RFX3: variants seen among roughly 807,000 people sequenced by gnomAD.
RFX3 encodes the protein transcription factor RFX3.
RFX3 carries 14 observed loss-of-function variants against 98.6 expected under a neutral mutation model. The observed-to-expected ratio is 0.14, with a 90% CI of 0.09 to 0.22. The LOEUF is 0.22. Ranked by LOEUF, RFX3 falls within the 10% of genes least tolerant of loss-of-function variation. The probability of loss-of-function intolerance (pLI) is 1.00; values close to 1 mark genes in which losing one functional copy is unlikely to be tolerated. For synonymous variants in RFX3, 383 were observed against 328.4 expected (o/e 1.17, Z -1.80); for missense variants, 639 against 926.9 (o/e 0.69, Z 4.03).
At chr9:3,504,389 C>T (rs375379973) in intron 1 of RFX3, among the ~76,000 whole-genome samples, 5,436 of 107,576 alleles carry the variant, frequency 0.051, 837 homozygotes, top group East Asian at 0.34. Flanking sequence ...TACCACATAG[C>T]ATATATTGTA....
intron 1 of RFX3, chr9:3,489,379 G>A (rs931761866): frequency 6.2e-6 from 6 of 972,980 alleles, no homozygotes; most frequent in Non-Finnish European, 1.2e-6. Context: ...CTTTCTGAAT[G>A]GCAGTGGAAG....
chr9:3,324,054 G>A (rs1386040289), intron 4 of RFX3: 1 of 452,738 alleles, frequency 2.2e-6, no homozygotes, highest in Non-Finnish European at 4.6e-6. Context: ...GACGGTTCAT[G>A]GTAATCTGTC....
intron 2 of RFX3, among the ~76,000 whole-genome samples, chr9:3,391,163 T>A (rs1301010579): frequency 6.6e-6 from 1 of 152,132 alleles, no homozygotes; most frequent in Non-Finnish European, 1.5e-5. Context: ...TACTATAGTT[T>A]GCAAACCCAA....
At chr9:3,448,031 C>T (rs1355920863) in intron 1 of RFX3, among the ~76,000 whole-genome samples, 17 of 152,122 alleles carry the variant, frequency 1.1e-4, no homozygotes, top group Admixed American at 1.1e-3. Context: ...AATGGCCAGC[C>T]TAGAGATTTG....
At position 3,267,386 on chromosome 9, in the gene RFX3, C is replaced by G. The variant is rs548217825; in HGVS notation, c.1358-1081G>C. On this transcript the variant is annotated intron_variant, in intron 11 of 16. Transcript: ENST00000617270. ...TTAATATTACGGATGGGCTTAAATT[C>G]CTTGGTTTTTCTTTCTGTGCTCAAA... 4.6e-5 allele frequency among the ~76,000 whole-genome samples: 7 copies of G among 152,002 alleles called. No homozygotes were observed. In the East Asian group the frequency reaches 7.7e-4, roughly 17 times the overall value.
intron 3 of RFX3, among the ~76,000 whole-genome samples, chr9:3,336,693 AG>A (rs913176252): frequency 6.6e-6 from 1 of 152,182 alleles, no homozygotes; most frequent in Non-Finnish European, 1.5e-5. Context: ...AATGAGGTTA[AG>A]GAAGGTAAAA....
At position 3,338,499 on chromosome 9, in the gene RFX3, A is replaced by T. The variant is rs187492942; in HGVS notation, c.216-7982T>A. Among the ~76,000 whole-genome samples the T allele has an allele frequency of 6.0e-3, 914 of 152,308 alleles. 3 individuals carry two copies. The highest frequency in any genetic ancestry group is 9.7e-3 in the Non-Finnish European group (657 of 68,014). On this transcript the variant is annotated intron_variant, in intron 3 of 16. Coordinates refer to ENST00000617270, the MANE Select transcript of RFX3 (RefSeq NM_001282116.2). ...ATGATTATTTTGTAAGGATCGGCAC[A>T]TCTTTACTTAGCATTTAAATTCTTT...
At chr9:3,383,598 G>GAGCCTT (rs1225598902) in intron 2 of RFX3, among the ~76,000 whole-genome samples, 2 of 151,832 alleles carry the variant, frequency 1.3e-5, no homozygotes, top group Non-Finnish European at 2.9e-5. Context: ...TTAGACTTAA[G>GAGCCTT]ACTTAGCACT....
intron 1 of RFX3, chr9:3,421,031 A>AC (rs1820300846): frequency 1.7e-6 from 1 of 571,922 alleles, no homozygotes; most frequent in African/African-American, 2.1e-5. Flanking sequence ...AAAAAAAAAA[A>AC]AAAAACAAGA....
intron 9 of RFX3, among the ~76,000 whole-genome samples, chr9:3,272,999 CAAAT>C (rs945388714): frequency 2.0e-5 from 3 of 152,118 alleles, no homozygotes; most frequent in Admixed American, 6.6e-5. Flanking sequence ...TAAATAATCT[CAAAT>C]AACTCTTTCA....
chr9:3,439,530 T>C lies in RFX3; in HGVS notation c.-8-43934A>G, dbSNP rs551787930. Among the ~76,000 whole-genome samples, 4 of 152,114 alleles carry C rather than the reference T, an allele frequency of 2.6e-5. No homozygotes were observed. In the East Asian group the frequency reaches 7.7e-4, roughly 29 times the overall value. Reference sequence around the variant, plus strand: ...GAATATTTTAACAACTTTATGCCAATAAGTTTGAGAATTTAATAGCAGAAG... The same window carrying C: ...GAATATTTTAACAACTTTATGCCAACAAGTTTGAGAATTTAATAGCAGAAG... On this transcript the variant is annotated intron_variant, in intron 1 of 16. Transcript: ENST00000617270.
At chr9:3,446,916 A>C (rs1846105563) in intron 1 of RFX3, among the ~76,000 whole-genome samples, 1 of 152,154 alleles carries the variant, frequency 6.6e-6, no homozygotes, top group African/African-American at 2.4e-5. Context: ...ACTTAAAAAA[A>C]ATCAAGAAGC....
intron 1 of RFX3, among the ~76,000 whole-genome samples, chr9:3,486,214 G>A (rs918962554): frequency 1.3e-5 from 2 of 150,280 alleles, no homozygotes; most frequent in Non-Finnish European, 2.9e-5. Flanking sequence ...AGATTTTTGT[G>A]GGGTATGACC....
chr9:3,360,606 AC>A (rs1244097987), intron 2 of RFX3, among the ~76,000 whole-genome samples: 2 of 152,142 alleles, frequency 1.3e-5, no homozygotes, highest in African/African-American at 4.8e-5. Flanking sequence ...ACACTCTCTT[AC>A]TGATGCATAT....
intron 1 of RFX3, chr9:3,420,671 G>C (rs1399062215): frequency 2.4e-6 from 1 of 416,534 alleles, no homozygotes; most frequent in Non-Finnish European, 3.2e-6. Flanking sequence ...TAAAAGAAGA[G>C]GAGTAAATTT....
At chr9:3,320,086 A>G (rs1483528825) in intron 4 of RFX3, among the ~76,000 whole-genome samples, 1 of 152,228 alleles carries the variant, frequency 6.6e-6, no homozygotes, top group Non-Finnish European at 1.5e-5. Flanking sequence ...CTGGGCACAT[A>G]AAGGATTTGC....
At chr9:3,316,225 G>A (rs1830571208) in intron 4 of RFX3, among the ~76,000 whole-genome samples, 1 of 152,052 alleles carries the variant, frequency 6.6e-6, no homozygotes, top group Admixed American at 6.6e-5. Flanking sequence ...TTCAACATAT[G>A]CAAATCAATA....
intron 5 of RFX3, among the ~76,000 whole-genome samples, chr9:3,296,262 G>C (rs916283216): frequency 6.6e-6 from 1 of 151,642 alleles, no homozygotes; most frequent in African/African-American, 2.4e-5. Context: ...TCTTCATAAA[G>C]AAAACTTTTC....
At position 3,468,789 on chromosome 9, in the gene RFX3, G is replaced by C. The variant is rs116600542; in HGVS notation, c.-9+56958C>G. ...CTTGGACAACTGAAAATATTTCTCA[G>C]ATTTTTACCCGATTGTTTTCCTTTT... On this transcript the variant is annotated intron_variant, in intron 1 of 16. Coordinates refer to ENST00000617270, the MANE Select transcript of RFX3 (RefSeq NM_001282116.2). Among the ~76,000 whole-genome samples, 819 of 118,098 alleles carry C rather than the reference G, an allele frequency of 6.9e-3. 10 individuals are homozygous for C. Among genetic ancestry groups the C allele is most frequent in the African/African-American group, 0.025 (782 of 31,274 alleles). The allele number at this position is 118,098 out of a possible 152,430, so 77.5% of individuals were successfully genotyped here. A position where few individuals can be genotyped will look rare whatever the true frequency, so the allele number is the denominator to read the frequency against.
Sources: gnomAD v4.1 joint callset for allele counts (sites outside exome capture counted in the v4.1 genomes callset) on GRCh38, gnomAD v4.1.1 for gene constraint, MANE v1.5 for transcripts, NCBI Gene and HGNC (gene_info 2026-07-23, HGNC 2026-07-21) for gene names.